ASB3: variants seen among roughly 807,000 people sequenced by gnomAD.
ASB3 encodes ankyrin repeat and SOCS box containing 3, also known as ankyrin repeat and SOCS box protein 3.
ASB3 carries 41 observed loss-of-function variants against 54.5 expected under a neutral mutation model. That is an observed-to-expected ratio of 0.75 (90% CI 0.59 to 0.98). ASB3 has a LOEUF of 0.98. Among genes scored for constraint, ASB3 ranks in the 50% least tolerant of loss-of-function variants. The pLI is 0.00. For synonymous variants in ASB3, 266 were observed against 221.2 expected, an observed-to-expected ratio of 1.20 and a Z score of -1.80; for missense variants, 733 against 620.0, an observed-to-expected ratio of 1.18 and a Z score of -1.94.
intron 1 of ASB3, among the ~76,000 whole-genome samples, chr2:53,783,894 A>G (rs1674791206): frequency 6.6e-6 from 1 of 152,236 alleles, no homozygotes; most frequent in African/African-American, 2.4e-5. Context: ...ACAAATGAGG[A>G]CATGGAATAC....
At chr2:53,709,235 C>G (rs1669956667) in intron 7 of ASB3, among the ~76,000 whole-genome samples, 1 of 152,226 alleles carries the variant, frequency 6.6e-6, no homozygotes, top group African/African-American at 2.4e-5. Context: ...CTAGCCACTC[C>G]TGCTATGGCT....
At chr2:53,717,333 A>G (rs1373681705) in intron 5 of ASB3, among the ~76,000 whole-genome samples, 1 of 152,216 alleles carries the variant, frequency 6.6e-6, no homozygotes, top group Non-Finnish European at 1.5e-5. Context: ...TTATCAGTAG[A>G]TATGACATAT....
chr2:53,761,156 TG>T (rs1673121908), intron 2 of ASB3, among the ~76,000 whole-genome samples: 1 of 152,164 alleles, frequency 6.6e-6, no homozygotes, highest in East Asian at 1.9e-4. Flanking sequence ...TAAGCCTAGC[TG>T]GGAAAGGTGA....
At chr2:53,740,541 T>C (rs919930090) in intron 3 of ASB3, among the ~76,000 whole-genome samples, 2 of 152,228 alleles carry the variant, frequency 1.3e-5, no homozygotes, top group African/African-American at 2.4e-5. Flanking sequence ...TAGTATTTTA[T>C]TGATATACAG....
chr2:53,771,797 C>T (rs1003246973), intron 1 of ASB3: 17 of 730,194 alleles, frequency 2.3e-5, no homozygotes, highest in Non-Finnish European at 4.1e-5. Context: ...AATAGTGCTT[C>T]TTATGAGCAA....
intron 2 of ASB3, among the ~76,000 whole-genome samples, chr2:53,757,326 G>A (rs1466472193): frequency 6.6e-6 from 1 of 152,216 alleles, no homozygotes; most frequent in African/African-American, 2.4e-5. Context: ...GGTCTGCCTG[G>A]AACCAGCTTC....
chr2:53,688,443 A>G (rs1041001599), intron 9 of ASB3, among the ~76,000 whole-genome samples: 6 of 152,200 alleles, frequency 3.9e-5, no homozygotes, highest in African/African-American at 9.7e-5. Flanking sequence ...ACTTGCCTCA[A>G]TCATGTAACA....
chr2:53,749,832 T>C (rs1672420640), intron 3 of ASB3, among the ~76,000 whole-genome samples: 1 of 152,044 alleles, frequency 6.6e-6, no homozygotes, highest in Non-Finnish European at 1.5e-5. Context: ...TGAGGAGTGA[T>C]GGAATGGTTC....
intron 2 of ASB3, among the ~76,000 whole-genome samples, chr2:53,753,439 G>C (rs1672638478): frequency 6.6e-6 from 1 of 152,154 alleles, no homozygotes; most frequent in Non-Finnish European, 1.5e-5. Flanking sequence ...ATGTGTTCTG[G>C]AGTAGAGTCC....
intron 6 of ASB3, among the ~76,000 whole-genome samples, chr2:53,715,567 T>C (rs1300940025): frequency 6.6e-6 from 1 of 152,164 alleles, no homozygotes; most frequent in Non-Finnish European, 1.5e-5. Flanking sequence ...GAGTACAATA[T>C]CTAACACTTA....
rs1006117322 is a variant in ASB3, at chr2:53,685,281, G to A, written c.1369+8603C>T. Reference sequence around the variant, plus strand: ...ATCATTGCAATCAACAAAGGCAGTAGAAGAAGAGATGGAATAAGAAGAATG... The same window carrying A: ...ATCATTGCAATCAACAAAGGCAGTAAAAGAAGAGATGGAATAAGAAGAATG... On this transcript the variant is annotated intron_variant, in intron 9 of 9. Transcript: ENST00000263634. 2.4e-4 allele frequency among the ~76,000 whole-genome samples: 37 copies of A among 152,298 alleles called. No homozygotes were observed. In the Middle Eastern group the frequency reaches 0.02, roughly 84 times the overall value.
At chr2:53,745,570 C>T (rs554960513) in intron 3 of ASB3, among the ~76,000 whole-genome samples, 1 of 152,280 alleles carries the variant, frequency 6.6e-6, no homozygotes, top group South Asian at 2.1e-4. Context: ...TAATCAGATC[C>T]AACACACCTC....
At chr2:53,748,405 A>C (rs541585475) in intron 3 of ASB3, 2 of 152,274 alleles carry the variant, frequency 1.3e-5, no homozygotes, top group African/African-American at 4.8e-5. Context: ...GGTTAAATGC[A>C]GGTGCAGGGG....
rs574989639 is a variant in ASB3, at chr2:53,752,432, A to G, written c.197-1491T>C. ...CCCACAGATTGAATACCAGACCACC[A>G]CACATGAGCTGAAGAGGCCAGGCTC... On this transcript the variant is annotated intron_variant, in intron 2 of 9. Coordinates refer to ENST00000263634, the MANE Select transcript of ASB3 (RefSeq NM_016115.5). Among the ~76,000 whole-genome samples the G allele has an allele frequency of 5.3e-5, 8 of 152,354 alleles. No homozygotes were observed. The East Asian group carries it at 1.4e-3, about 26-fold the overall frequency.
At chr2:53,765,632 C>G (rs1673398352) in intron 1 of ASB3, 47 bp from the exon 2 acceptor site, 1 of 1,608,964 alleles carries the variant, frequency 6.2e-7, no homozygotes, top group Non-Finnish European at 8.5e-7. Context: ...TAAAACAACA[C>G]TTCACTCCTA....
intron 9 of ASB3, among the ~76,000 whole-genome samples, chr2:53,693,115 T>C (rs1669002497): frequency 1.3e-5 from 2 of 152,216 alleles, no homozygotes; most frequent in African/African-American, 2.4e-5. Context: ...TTACATTTCA[T>C]GTAAAAATAG....
rs1670279510 is a variant in ASB3 at position 53,714,498 on chromosome 2, A to G, written c.866T>C (p.Phe289Ser). ...NKVSPVYSAV[F>S]GGHEDCLEIL... ...TTCTAGGCAATCTTCATGTCCCCCA[A>G]ACACTGCTGAGTAAACAGGGCTTAC... The change falls in exon 7 of 10, where the codon TTT becomes TCT. Residue 289 changes from phenylalanine (F) to serine (S), a missense_variant. Transcript: ENST00000263634. The G allele has an allele frequency of 6.2e-7, 1 of 1,614,228 alleles. No individual in the cohort carries two copies. Among genetic ancestry groups the G allele is most frequent in the Non-Finnish European group, 8.5e-7 (1 of 1,180,028 alleles).
At position 53,704,319 on chromosome 2, in the gene ASB3, C is replaced by T. The variant is rs1007905555; in HGVS notation, c.981-3791G>A. ...AGGTTGCAGTGAGTCAAGATCACGC[C>T]ACTGCACTCCAGCCTGGGCCACAGA... is the stretch of plus-strand genomic sequence containing the variant. On this transcript the variant is annotated intron_variant, in intron 7 of 9. Coordinates refer to ENST00000263634, the MANE Select transcript of ASB3 (RefSeq NM_016115.5). Among the ~76,000 whole-genome samples the T allele has an allele frequency of 2.7e-4, 40 of 147,480 alleles. 1 individual carries two copies. Among genetic ancestry groups the T allele is most frequent in the Admixed American group, 8.1e-4 (12 of 14,776 alleles).
At chr2:53,762,838 C>T (rs553318695) in intron 2 of ASB3, among the ~76,000 whole-genome samples, 12 of 152,038 alleles carry the variant, frequency 7.9e-5, no homozygotes, top group Non-Finnish European at 1.6e-4. Flanking sequence ...GCATATTAAA[C>T]TTCTATGTAA....
Sources: allele counts gnomAD v4.1 joint callset (sites outside exome capture counted in the v4.1 genomes callset), GRCh38; gene constraint gnomAD v4.1.1; transcripts MANE v1.5; gene names NCBI Gene and HGNC (gene_info 2026-07-23, HGNC 2026-07-21).